TOX: variants seen among roughly 807,000 people sequenced by gnomAD.
The protein encoded by TOX is thymocyte selection associated high mobility group box, also known as thymocyte selection-associated high mobility group box protein TOX.
In TOX, 11 loss-of-function variants were observed where a neutral mutation model predicts 53.7. That is an observed-to-expected ratio of 0.20 (90% confidence interval 0.13 to 0.34). The LOEUF (loss-of-function observed/expected upper bound fraction) is 0.34, where lower values mean the gene tolerates loss of function less well. TOX is among the 10% of genes least tolerant of loss of function. TOX has a pLI of 1.00. For missense variants in TOX, 570 were observed against 664.6 expected (o/e 0.86, Z 1.56); for synonymous variants, 225 against 245.3 (o/e 0.92, Z 0.77).
At chr8:58,842,928 T>C (rs2129167424) in intron 4 of TOX, among the ~76,000 whole-genome samples, 1 of 152,352 alleles carries the variant, frequency 6.6e-6, no homozygotes, top group Middle Eastern at 3.4e-3. Flanking sequence ...CAAAGTTTTG[T>C]TTAATAGAAG....
chr8:59,002,467 C>T (rs1210197244), intron 1 of TOX, among the ~76,000 whole-genome samples: 1 of 151,220 alleles, frequency 6.6e-6, no homozygotes, highest in Non-Finnish European at 1.5e-5. Context: ...TGGCAGGCGC[C>T]TGTAGTCCCT....
intron 1 of TOX, among the ~76,000 whole-genome samples, chr8:59,038,550 C>G (rs1255751369): frequency 6.6e-6 from 1 of 152,176 alleles, no homozygotes; most frequent in African/African-American, 2.4e-5. Context: ...ATACTACTTA[C>G]TTTTCCTCAT....
chr8:59,018,692 C>T lies in TOX; in HGVS notation c.103-58684G>A, dbSNP rs999193923. On this transcript the variant is annotated intron_variant, in intron 1 of 8. Coordinates refer to ENST00000361421, the MANE Select transcript of TOX (RefSeq NM_014729.3). ...ACCCAGAACCAACACTGGCTTGAGG[C>T]TTACTGTGGACTCCCCAGGGTGAGT... Among the ~76,000 whole-genome samples, 16 of 152,122 alleles carry T rather than the reference C, an allele frequency of 1.1e-4. 1 individual carries two copies. The highest frequency in any genetic ancestry group is 5.9e-5 in the Non-Finnish European group (4 of 68,016).
At chr8:59,030,370 G>A (rs746983211) in intron 1 of TOX, among the ~76,000 whole-genome samples, 12 of 152,146 alleles carry the variant, frequency 7.9e-5, no homozygotes, top group South Asian at 6.2e-4. Flanking sequence ...TAAGCGCACT[G>A]CACAGTTGCT....
At position 58,805,904 on chromosome 8, in the gene TOX, C is replaced by T. The variant is rs1361574990; in HGVS notation, c.*1843G>A. 2 of 152,576 alleles carry T rather than the reference C, an allele frequency of 1.3e-5. No individual in the cohort carries two copies. Among genetic ancestry groups the T allele is most frequent in the Non-Finnish European group, 2.9e-5 (2 of 68,028 alleles). 9.5% of individuals were successfully genotyped at this position (152,576 alleles called of 1,614,324 possible). ...CTAAAATCATTCCAAAGCAAGCATACCTTTTGTCTGTTTAATTCTGAGTGG... is the reference window on the plus strand; with the variant it reads ...CTAAAATCATTCCAAAGCAAGCATATCTTTTGTCTGTTTAATTCTGAGTGG... On this transcript the variant is annotated 3_prime_UTR_variant, in exon 9 of 9. Transcript: ENST00000361421.
At chr8:58,907,068 C>T (rs561799972) in intron 3 of TOX, among the ~76,000 whole-genome samples, 1 of 152,256 alleles carries the variant, frequency 6.6e-6, no homozygotes, top group South Asian at 2.1e-4. Context: ...CTGCTAGAAC[C>T]CAGGAGGGAA....
intron 2 of TOX, among the ~76,000 whole-genome samples, chr8:58,940,811 C>T (rs1012131699): frequency 1.1e-4 from 17 of 152,032 alleles, no homozygotes; most frequent in African/African-American, 1.7e-4. Context: ...TTCCAGATGG[C>T]GTCTATTTGT....
chr8:59,102,506 G>A (rs987023675), intron 1 of TOX, among the ~76,000 whole-genome samples: 1 of 152,066 alleles, frequency 6.6e-6, no homozygotes, highest in Non-Finnish European at 1.5e-5. Context: ...CAGGATTACA[G>A]GTGTGAGCCA....
intron 3 of TOX, among the ~76,000 whole-genome samples, chr8:58,873,126 G>T (rs1446037642): frequency 6.6e-6 from 1 of 152,054 alleles, no homozygotes; most frequent in African/African-American, 2.4e-5. Context: ...CTTGCTCATT[G>T]TACTTGTTAA....
chr8:59,031,850 T>G (rs1033320702), intron 1 of TOX, among the ~76,000 whole-genome samples: 1 of 152,030 alleles, frequency 6.6e-6, no homozygotes, highest in African/African-American at 2.4e-5. Flanking sequence ...AAATACAAAA[T>G]GAGATTGGAG....
intron 2 of TOX, among the ~76,000 whole-genome samples, chr8:58,948,316 C>G: frequency 6.6e-6 from 1 of 152,234 alleles, no homozygotes; most frequent in South Asian, 2.1e-4. Flanking sequence ...TTAGTGTTTA[C>G]ATGCAGGGCT....
chr8:58,860,049 T>C (rs1810981546), intron 3 of TOX, among the ~76,000 whole-genome samples: 1 of 152,142 alleles, frequency 6.6e-6, no homozygotes, highest in African/African-American at 2.4e-5. Context: ...TGCTCTAGTG[T>C]ATGCATCTGG....
chr8:58,819,531 A>G (rs1023937802), intron 6 of TOX, among the ~76,000 whole-genome samples: 10 of 152,220 alleles, frequency 6.6e-5, no homozygotes, highest in African/African-American at 2.4e-4. Flanking sequence ...CCATAGAGAC[A>G]TTTTGAGTAT....
intron 6 of TOX, among the ~76,000 whole-genome samples, chr8:58,820,063 C>T (rs1240890622): frequency 6.6e-6 from 1 of 152,124 alleles, no homozygotes; most frequent in East Asian, 1.9e-4. Flanking sequence ...AACAGTCATA[C>T]AATGATCCAT....
chr8:58,997,011 C>G (rs72651344), intron 1 of TOX, among the ~76,000 whole-genome samples: 5,561 of 152,258 alleles, frequency 0.037, 129 homozygotes, highest in Non-Finnish European at 0.055. Context: ...AAATGCACCA[C>G]TATATGACAC....
intron 3 of TOX, among the ~76,000 whole-genome samples, chr8:58,916,072 C>G (rs1359277109): frequency 2.7e-4 from 3 of 11,168 alleles, no homozygotes; most frequent in Admixed American, 2.4e-3. Context: ...AAATCTACGT[C>G]TGATTGGTGT....
chr8:58,998,601 T>TTATATAATAAATTTA (rs199962273), intron 1 of TOX, among the ~76,000 whole-genome samples: 1 of 95,344 alleles, frequency 1.0e-5, no homozygotes, highest in South Asian at 3.4e-4. Flanking sequence ...TGTAATAAAT[T>TTATATAATAAATTTA]TATGTAATAA....
rs553312893 is a variant in TOX, at chr8:58,982,845, C to T, written c.103-22837G>A. On this transcript the variant is annotated intron_variant, in intron 1 of 8. Transcript: ENST00000361421. ...TCATTGACAATTGAACAAAATGGAT[C>T]CTTCTTATTCTGATATCCAAAGCTT... 2.0e-5 allele frequency among the ~76,000 whole-genome samples: 3 copies of T among 152,296 alleles called. No homozygotes were observed. In the South Asian group the frequency reaches 6.2e-4, roughly 32 times the overall value.
intron 1 of TOX, among the ~76,000 whole-genome samples, chr8:59,017,025 G>A (rs1022820233): frequency 6.6e-6 from 1 of 152,290 alleles, no homozygotes; most frequent in Middle Eastern, 3.4e-3. Context: ...ACTGTTTATA[G>A]CCATGAACTC....
Sources: allele counts gnomAD v4.1 joint callset (sites outside exome capture counted in the v4.1 genomes callset), GRCh38; gene constraint gnomAD v4.1.1; transcripts MANE v1.5; gene names NCBI Gene and HGNC (gene_info 2026-07-23, HGNC 2026-07-21).